Variants in DTNB observed in about 807,000 individuals in gnomAD.
DTNB encodes dystrobrevin beta.
DTNB carries 63 observed loss-of-function variants against 90.7 expected under a neutral mutation model. The ratio of observed to expected loss-of-function variants is 0.69; its 90% CI spans 0.57 to 0.86. DTNB has a LOEUF of 0.86. DTNB is among the 40% of genes least tolerant of loss of function. The probability of loss-of-function intolerance (pLI) is 0.00; values close to 1 mark genes in which losing one functional copy is unlikely to be tolerated. For missense variants in DTNB, 744 were observed against 807.1 expected, an observed-to-expected ratio of 0.92 and a Z score of 0.95; for synonymous variants, 277 against 286.7, an observed-to-expected ratio of 0.97 and a Z score of 0.34.
intron 10 of DTNB, among the ~76,000 whole-genome samples, chr2:25,479,321 A>G (rs903529843): frequency 1.1e-4 from 16 of 152,208 alleles, no homozygotes; most frequent in African/African-American, 2.9e-4. Flanking sequence ...GCATAAGAAC[A>G]CAATTCACAT....
In DTNB at chr2:25,663,343, C is replaced by T. The variant is rs184321904; in HGVS notation, c.-2+10043G>A. 1.3e-3 allele frequency among the ~76,000 whole-genome samples: 193 copies of T among 152,142 alleles called. 1 individual carries two copies. Among genetic ancestry groups the T allele is most frequent in the African/African-American group, 4.4e-3 (182 of 41,496 alleles). ...GGCATTTGGGTTGGTTCCAAGTCTT[C>T]GCTATTGTAAATAGTGCTGCAATAA... On this transcript the variant is annotated intron_variant, in intron 1 of 20. Coordinates refer to ENST00000406818, the MANE Select transcript of DTNB (RefSeq NM_021907.5).
chr2:25,439,028 C>A (rs867016900), intron 12 of DTNB, among the ~76,000 whole-genome samples: 102 of 152,242 alleles, frequency 6.7e-4, no homozygotes, highest in African/African-American at 2.4e-3. Context: ...GAAACTGTCA[C>A]AGCTAAGAGG....
At chr2:25,406,568 G>GCCA (rs995189342) in intron 16 of DTNB, among the ~76,000 whole-genome samples, 1 of 151,612 alleles carries the variant, frequency 6.6e-6, no homozygotes, top group Non-Finnish European at 1.5e-5. Context: ...GACCAGCTTG[G>GCCA]CCAACATTGG....
At chr2:25,410,795 G>C (rs945784735) in intron 16 of DTNB, among the ~76,000 whole-genome samples, 3 of 152,164 alleles carry the variant, frequency 2.0e-5, no homozygotes, top group African/African-American at 7.2e-5. Flanking sequence ...ACAATGTATA[G>C]ATAATCAATA....
intron 4 of DTNB, among the ~76,000 whole-genome samples, chr2:25,616,500 CAATT>C (rs1042606757): frequency 1.4e-4 from 22 of 151,986 alleles, no homozygotes; most frequent in African/African-American, 5.1e-4. Context: ...ATATAATTCT[CAATT>C]AACCTGGATC....
At chr2:25,437,100 G>A (rs1262254063) in intron 12 of DTNB, among the ~76,000 whole-genome samples, 1 of 152,134 alleles carries the variant, frequency 6.6e-6, no homozygotes, top group African/African-American at 2.4e-5. Context: ...AGTAGGGGTG[G>A]AGGAAGGTTC....
At chr2:25,499,218 C>T (rs1303047260) in intron 9 of DTNB, among the ~76,000 whole-genome samples, 1 of 151,174 alleles carries the variant, frequency 6.6e-6, no homozygotes, top group Non-Finnish European at 1.5e-5. Context: ...CAAAAACAAC[C>T]ATATCAGGAA....
At chr2:25,436,156 GA>G (rs1222256421) in intron 12 of DTNB, among the ~76,000 whole-genome samples, 1 of 152,184 alleles carries the variant, frequency 6.6e-6, no homozygotes, top group Non-Finnish European at 1.5e-5. Context: ...CCAACATGGT[GA>G]AACCTTGTCT....
intron 9 of DTNB, among the ~76,000 whole-genome samples, chr2:25,512,990 A>G (rs551432798): frequency 6.7e-4 from 102 of 152,342 alleles, no homozygotes; most frequent in African/African-American, 2.4e-3. Context: ...AGATTTTTAA[A>G]TAGGGAAGTA....
chr2:25,614,617 A>G (rs1306633242), intron 4 of DTNB, among the ~76,000 whole-genome samples: 4 of 152,242 alleles, frequency 2.6e-5, no homozygotes, highest in Non-Finnish European at 5.9e-5. Flanking sequence ...ACTACAAAAT[A>G]CAAATGAAAG....
At chr2:25,457,500 T>C (rs1304236729) in intron 10 of DTNB, among the ~76,000 whole-genome samples, 2 of 152,218 alleles carry the variant, frequency 1.3e-5, no homozygotes, top group East Asian at 1.9e-4. Flanking sequence ...TATTTTAGAA[T>C]GAAGAAAAAT....
intron 4 of DTNB, among the ~76,000 whole-genome samples, chr2:25,620,383 C>A (rs764956): frequency 0.16 from 24,945 of 152,058 alleles, 2,616 homozygotes; most frequent in East Asian, 0.57. Flanking sequence ...AAGTGAGGTA[C>A]TGAATGGACA....
chr2:25,579,103 T>C (rs2061171240), intron 7 of DTNB, among the ~76,000 whole-genome samples: 1 of 152,208 alleles, frequency 6.6e-6, no homozygotes, highest in Non-Finnish European at 1.5e-5. Flanking sequence ...ATATGGATAA[T>C]AATACATCTT....
At chr2:25,381,161 C>T (rs2037597802) in intron 19 of DTNB, among the ~76,000 whole-genome samples, 2 of 152,192 alleles carry the variant, frequency 1.3e-5, no homozygotes. Flanking sequence ...GAACATTCCA[C>T]ATGAATGCTA....
intron 11 of DTNB, among the ~76,000 whole-genome samples, chr2:25,453,226 G>C (rs1047039912): frequency 6.6e-6 from 1 of 152,144 alleles, no homozygotes; most frequent in African/African-American, 2.4e-5. Flanking sequence ...TAGGAAGGTT[G>C]ATCCTATTTG....
In DTNB at chr2:25,429,069, C is replaced by T. The variant is rs576258499; in HGVS notation, c.1458-1438G>A. Among the ~76,000 whole-genome samples, 20 of 152,250 alleles carry T rather than the reference C, an allele frequency of 1.3e-4. No homozygotes were observed. In the South Asian group the frequency reaches 3.3e-3, roughly 25 times the overall value. ...TCTATCACAGCAGCCGCTAGCCACG[C>T]GTGACTACCGAGCCCCTGAAACAGG... On this transcript the variant is annotated intron_variant, in intron 14 of 20. Coordinates refer to ENST00000406818, the MANE Select transcript of DTNB (RefSeq NM_021907.5).
intron 12 of DTNB, among the ~76,000 whole-genome samples, chr2:25,439,535 T>C (rs752219807): frequency 5.3e-5 from 8 of 151,910 alleles, no homozygotes; most frequent in Admixed American, 1.3e-4. Flanking sequence ...GTGTAGATTA[T>C]AGAGAACTCT....
chr2:25,427,387 C>G (rs2052155854), intron 15 of DTNB, 148 bp downstream of exon 15: 3 of 641,902 alleles, frequency 4.7e-6, no homozygotes, highest in Non-Finnish European at 7.5e-6. Flanking sequence ...GACTTTTATA[C>G]CCAATTAGGC....
At chr2:25,626,143 T>C (rs1423518512) in intron 4 of DTNB, among the ~76,000 whole-genome samples, 1 of 152,188 alleles carries the variant, frequency 6.6e-6, no homozygotes, top group Non-Finnish European at 1.5e-5. Context: ...AGTATTTAAC[T>C]TACTTGACAT....
Sources: allele counts gnomAD v4.1 joint callset (sites outside exome capture counted in the v4.1 genomes callset), GRCh38; gene constraint gnomAD v4.1.1; transcripts MANE v1.5; gene names NCBI Gene and HGNC (gene_info 2026-07-23, HGNC 2026-07-21).